The following ZFPM2 variants were observed in gnomAD, a reference collection of about 807,000 sequenced individuals.
The protein encoded by ZFPM2 is zinc finger protein ZFPM2.
A neutral mutation model predicts 98.6 loss-of-function variants in ZFPM2; 20 were observed. The ratio of observed to expected loss-of-function variants is 0.20; its 90% CI spans 0.14 to 0.29. The LOEUF (loss-of-function observed/expected upper bound fraction) is 0.29, where lower values mean the gene tolerates loss of function less well. ZFPM2 is among the 10% of genes least tolerant of loss of function. ZFPM2 has a pLI of 1.00. For missense variants in ZFPM2, 1,310 were observed against 1,388.6 expected, an observed-to-expected ratio of 0.94 and a Z score of 0.90; for synonymous variants, 518 against 502.7, an observed-to-expected ratio of 1.03 and a Z score of -0.41.
intron 5 of ZFPM2, among the ~76,000 whole-genome samples, chr8:105,686,495 G>GA (rs1319135130): frequency 6.6e-6 from 1 of 151,976 alleles, no homozygotes; most frequent in Non-Finnish European, 1.5e-5. Context: ...CAGGGTATAA[G>GA]AAATAAGTGT....
At chr8:105,347,768 A>G (rs190325633) in intron 1 of ZFPM2, among the ~76,000 whole-genome samples, 29 of 152,272 alleles carry the variant, frequency 1.9e-4, no homozygotes, top group Admixed American at 5.2e-4. Flanking sequence ...AGCTTATTCA[A>G]GTGTTTAAAT....
At chr8:105,625,935 T>C (rs544278902) in intron 4 of ZFPM2, among the ~76,000 whole-genome samples, 6 of 151,442 alleles carry the variant, frequency 4.0e-5, no homozygotes, top group African/African-American at 1.5e-4. Context: ...TGGAATGATT[T>C]TGTTTATGTA....
intron 3 of ZFPM2, among the ~76,000 whole-genome samples, chr8:105,458,225 A>C: frequency 6.6e-6 from 1 of 152,342 alleles, no homozygotes; most frequent in Middle Eastern, 3.4e-3. Flanking sequence ...CATGTTTTCA[A>C]ATTTTTAAAA....
chr8:105,546,123 C>T (rs1403377886), intron 3 of ZFPM2, among the ~76,000 whole-genome samples: 2 of 152,084 alleles, frequency 1.3e-5, no homozygotes, highest in Non-Finnish European at 2.9e-5. Context: ...TCAGTATGAT[C>T]TTTTCTGCCT....
At chr8:105,393,039 C>T (rs576233008) in intron 1 of ZFPM2, among the ~76,000 whole-genome samples, 66 of 152,194 alleles carry the variant, frequency 4.3e-4, no homozygotes, top group African/African-American at 1.5e-3. Flanking sequence ...ATGAAAAAAA[C>T]GTCAGAATCC....
intron 3 of ZFPM2, among the ~76,000 whole-genome samples, chr8:105,501,206 G>A (rs59174365): frequency 0.071 from 10,132 of 143,154 alleles, 1,135 homozygotes; most frequent in African/African-American, 0.25. Context: ...TTTTTGAGAT[G>A]GAGTCTTGCT....
At chr8:105,760,937 A>G (rs1812720962) in intron 5 of ZFPM2, among the ~76,000 whole-genome samples, 4 of 152,054 alleles carry the variant, frequency 2.6e-5, no homozygotes, top group Admixed American at 2.6e-4. Context: ...CATAGGAAGT[A>G]TGAGATATTG....
chr8:105,367,040 T>C (rs992297009), intron 1 of ZFPM2, among the ~76,000 whole-genome samples: 8 of 136,522 alleles, frequency 5.9e-5, no homozygotes, highest in Admixed American at 4.3e-4. Flanking sequence ...GTTGTAGGTA[T>C]GTGGCGTTAT....
intron 1 of ZFPM2, among the ~76,000 whole-genome samples, chr8:105,350,918 C>T (rs1170933143): frequency 3.3e-5 from 5 of 151,790 alleles, no homozygotes; most frequent in Non-Finnish European, 5.9e-5. Context: ...CGTGGTGGCT[C>T]ACGCCTGTAA....
At chr8:105,398,985 G>A (rs1811279941) in intron 1 of ZFPM2, among the ~76,000 whole-genome samples, 1 of 152,098 alleles carries the variant, frequency 6.6e-6, no homozygotes, top group Non-Finnish European at 1.5e-5. Flanking sequence ...CAGCAGAAGT[G>A]GAGTGTTCCA....
intron 1 of ZFPM2, among the ~76,000 whole-genome samples, chr8:105,372,401 G>T (rs999887026): frequency 1.3e-5 from 2 of 152,122 alleles, no homozygotes; most frequent in African/African-American, 4.8e-5. Context: ...TTAGCAATTT[G>T]TAATTCTAAG....
chr8:105,354,174 A>C (rs141342500), intron 1 of ZFPM2, among the ~76,000 whole-genome samples: 26 of 152,370 alleles, frequency 1.7e-4, no homozygotes, highest in African/African-American at 6.0e-4. Context: ...CAAACCAGTG[A>C]AATTGTTAAA....
At chr8:105,477,116 T>TGGTCAACTG (rs1813026988) in intron 3 of ZFPM2, among the ~76,000 whole-genome samples, 1 of 152,202 alleles carries the variant, frequency 6.6e-6, no homozygotes, top group Non-Finnish European at 1.5e-5. Flanking sequence ...ACAAGATGTA[T>TGGTCAACTG]ATTCAACTGA....
intron 3 of ZFPM2, among the ~76,000 whole-genome samples, chr8:105,484,731 TA>T (rs1813195286): frequency 6.6e-6 from 1 of 152,214 alleles, no homozygotes; most frequent in Non-Finnish European, 1.5e-5. Context: ...GTTTTATCGT[TA>T]GGCTGATGAA....
intron 3 of ZFPM2, among the ~76,000 whole-genome samples, chr8:105,560,574 G>GT (rs36014181): frequency 0.011 from 1,518 of 133,120 alleles, 18 homozygotes; most frequent in Admixed American, 0.038. Flanking sequence ...GCTATTGGCC[G>GT]TTTTTTTTTT....
chr8:105,798,773 G>T lies in ZFPM2; in HGVS notation c.789G>T (p.Arg263=). The T allele has an allele frequency of 3.1e-6, 5 of 1,613,910 alleles. No homozygotes were observed. The highest frequency in any genetic ancestry group is 4.2e-6 in the Non-Finnish European group (5 of 1,179,862). Residue 263 remains arginine, a synonymous_variant, in exon 7 of 8, where the codon CGG becomes CGT. Coordinates refer to ENST00000407775, the MANE Select transcript of ZFPM2 (RefSeq NM_012082.4). ...GTGGCATCTGGTATCGGAGTGAGCG[G>T]AATCTGCAGGCCCATTTGATGTACT... The part of the protein sequence containing the change: ...KSCGIWYRSE[R]NLQAHLMYYC...
intron 1 of ZFPM2, among the ~76,000 whole-genome samples, chr8:105,321,844 A>G (rs1323773083): frequency 6.6e-6 from 1 of 152,154 alleles, no homozygotes; most frequent in Non-Finnish European, 1.5e-5. Context: ...CAGCCCAGCA[A>G]TCTGCAGAAG....
chr8:105,503,866 G>T (rs1813645247), intron 3 of ZFPM2, among the ~76,000 whole-genome samples: 1 of 152,152 alleles, frequency 6.6e-6, no homozygotes, highest in South Asian at 2.1e-4. Context: ...ATGATTGAAT[G>T]ATGAACTTGA....
intron 3 of ZFPM2, among the ~76,000 whole-genome samples, chr8:105,504,377 A>G (rs1422296782): frequency 2.6e-5 from 4 of 152,186 alleles, no homozygotes; most frequent in Non-Finnish European, 4.4e-5. Flanking sequence ...CCTTGGCTCC[A>G]TGTCCCTCAC....
Sources: allele counts gnomAD v4.1 joint callset (sites outside exome capture counted in the v4.1 genomes callset), GRCh38; gene constraint gnomAD v4.1.1; transcripts MANE v1.5; gene names NCBI Gene and HGNC (gene_info 2026-07-23, HGNC 2026-07-21).